Variants in USP32 observed in about 807,000 individuals in gnomAD.
USP32 encodes ubiquitin carboxyl-terminal hydrolase 32.
In USP32, 59 loss-of-function variants were observed where a neutral mutation model predicts 204.8. That is an observed-to-expected ratio of 0.29 (90% CI 0.23 to 0.36). The LOEUF is 0.36. Ranked by LOEUF, USP32 falls within the 10% of genes least tolerant of loss-of-function variation. The pLI is 1.00. For synonymous variants in USP32, 517 were observed against 678.4 expected, an observed-to-expected ratio of 0.76 and a Z score of 3.70; for missense variants, 1,160 against 1,946.4, an observed-to-expected ratio of 0.60 and a Z score of 7.60.
At chr17:60,225,405 C>T (rs977996204) in intron 13 of USP32, among the ~76,000 whole-genome samples, 10 of 151,918 alleles carry the variant, frequency 6.6e-5, no homozygotes, top group Admixed American at 2.0e-4. Context: ...TGCAGTAAGC[C>T]GTGATTATGC....
At chr17:60,396,125 T>C (rs1479982954), upstream of USP32, among the ~76,000 whole-genome samples, 2 of 135,784 alleles carry the variant, frequency 1.5e-5, no homozygotes, top group African/African-American at 6.1e-5. Flanking sequence ...TCACCCAAGC[T>C]GGAGTGCAGT....
chr17:60,255,269 G>T lies in USP32; in HGVS notation c.991-11C>A. The T allele has an allele frequency of 6.5e-7, 1 of 1,547,798 alleles. No homozygotes were observed. The highest frequency in any genetic ancestry group is 8.8e-7 in the Non-Finnish European group (1 of 1,135,144). On this transcript the variant is annotated splice_polypyrimidine_tract_variant and intron_variant, in intron 9 of 33. Coordinates refer to ENST00000300896, the MANE Select transcript of USP32 (RefSeq NM_032582.4). ...AGTAAGATGACCCATCTGAAACAGA[G>T]ACACTCATGTTAGGAACATCTTTTT...
intron 1 of USP32, among the ~76,000 whole-genome samples, chr17:60,403,307 C>T (rs142945337): frequency 1.1e-3 from 163 of 152,314 alleles, no homozygotes; most frequent in African/African-American, 3.0e-3. Flanking sequence ...TGAGCCACTG[C>T]GCCCAGCCAA....
intron 2 of USP32, among the ~76,000 whole-genome samples, chr17:60,318,225 A>C (rs979570140): frequency 6.6e-6 from 1 of 152,262 alleles, no homozygotes; most frequent in African/African-American, 2.4e-5. Flanking sequence ...TTTAAACTGC[A>C]GTTTCCTTAT....
chr17:60,321,848 T>A (rs891935895), intron 2 of USP32, among the ~76,000 whole-genome samples: 6 of 151,638 alleles, frequency 4.0e-5, no homozygotes, highest in Non-Finnish European at 7.4e-5. Flanking sequence ...AACACCTCAG[T>A]GGTAACTATT....
chr17:60,344,649 G>A (rs2088741776), intron 2 of USP32, among the ~76,000 whole-genome samples: 1 of 151,770 alleles, frequency 6.6e-6, no homozygotes, highest in Admixed American at 6.6e-5. Context: ...GTAGAGATGA[G>A]GTCTCACTAT....
chr17:60,204,181 A>AAAAAC (rs1336097766), intron 26 of USP32, among the ~76,000 whole-genome samples: 1 of 152,232 alleles, frequency 6.6e-6, no homozygotes, highest in Admixed American at 6.5e-5. Flanking sequence ...CTCTAAGAAA[A>AAAAAC]AAAACAAAAC....
In USP32 at chr17:60,287,128, C is replaced by T. The variant is rs545040906; in HGVS notation, c.571+1395G>A. On this transcript the variant is annotated intron_variant, in intron 5 of 33. Coordinates refer to ENST00000300896, the MANE Select transcript of USP32 (RefSeq NM_032582.4). ...TCGCGCCACTGCACTCCAGCCTGGGCGACACAGCAATACTTCGTCTCAAAT... is the reference window on the plus strand; with the variant it reads ...TCGCGCCACTGCACTCCAGCCTGGGTGACACAGCAATACTTCGTCTCAAAT... 2.2e-3 allele frequency among the ~76,000 whole-genome samples: 335 copies of T among 152,170 alleles called. 4 individuals are homozygous for T. Among genetic ancestry groups the T allele is most frequent in the African/African-American group, 7.5e-3 (311 of 41,514 alleles).
chr17:60,234,045 G>A lies in USP32; in HGVS notation c.1239+2093C>T, dbSNP rs79468780. 2.1e-3 allele frequency among the ~76,000 whole-genome samples: 322 copies of A among 152,038 alleles called. 1 individual carries two copies. The highest frequency in any genetic ancestry group is 7.4e-3 in the African/African-American group (308 of 41,478). On this transcript the variant is annotated intron_variant, in intron 12 of 33. Coordinates refer to ENST00000300896, the MANE Select transcript of USP32 (RefSeq NM_032582.4). ...GCTCACTGCAGTCTTGACCTATCAG[G>A]CTCAAGCAATCCTCCCACCTCAGCC...
At chr17:60,335,942 T>C (rs1367930234) in intron 2 of USP32, among the ~76,000 whole-genome samples, 1 of 143,138 alleles carries the variant, frequency 7.0e-6, no homozygotes, top group Non-Finnish European at 1.5e-5. Context: ...ATAATACCTA[T>C]TAAGGATAGA....
intron 16 of USP32, among the ~76,000 whole-genome samples, chr17:60,217,432 T>C (rs934127822): frequency 1.3e-5 from 2 of 152,074 alleles, no homozygotes; most frequent in Non-Finnish European, 2.9e-5. Context: ...GTAGCTGGGA[T>C]TACAGACACC....
rs1032481053 is a variant in USP32 at position 60,421,851 on chromosome 17, C to T, written c.106+395G>A. ...CCCGGCTCCCCGCCTGGTGGCTGCG[C>T]ACACGAGGCCGGCGACGGGACTTGC... On this transcript the variant is annotated intron_variant, in intron 1 of 3. Coordinates refer to the USP32 transcript ENST00000588898. 4.6e-5 allele frequency: 45 copies of T among 985,244 alleles called. No individual in the cohort carries two copies. The African/African-American group carries it at 7.5e-4, about 16-fold the overall frequency. The allele number at this position is 985,244 out of a possible 1,614,324, so 61.0% of individuals were successfully genotyped here. A position where few individuals can be genotyped will look rare whatever the true frequency, so the allele number is the denominator to read the frequency against.
chr17:60,248,209 G>A (rs1418043942), intron 11 of USP32, among the ~76,000 whole-genome samples: 1 of 152,078 alleles, frequency 6.6e-6, no homozygotes, highest in Non-Finnish European at 1.5e-5. Flanking sequence ...ACTGCACACT[G>A]AGCTCTATTG....
intron 2 of USP32, among the ~76,000 whole-genome samples, chr17:60,309,767 T>A (rs2087810567): frequency 6.6e-6 from 1 of 151,778 alleles, no homozygotes; most frequent in South Asian, 2.1e-4. Flanking sequence ...GCAGGCAGAC[T>A]GGGCACAGTG....
At chr17:60,360,054 GA>G (rs963606957) in intron 1 of USP32, among the ~76,000 whole-genome samples, 2 of 150,984 alleles carry the variant, frequency 1.3e-5, no homozygotes, top group Non-Finnish European at 3.0e-5. Flanking sequence ...ATTTTTAGTA[GA>G]AACGGGGTTT....
intron 1 of USP32, among the ~76,000 whole-genome samples, chr17:60,418,186 G>C (rs57552871): frequency 6.6e-6 from 1 of 151,974 alleles, no homozygotes; most frequent in Non-Finnish European, 1.5e-5. Flanking sequence ...TCAAACTCCC[G>C]ACCTCAGGTG....
intron 8 of USP32, 136 bp downstream of exon 8, chr17:60,265,840 G>T: frequency 1.5e-6 from 1 of 650,906 alleles, no homozygotes. Context: ...TGCATCTTCA[G>T]CTATAAATAT....
intron 33 of USP32, 98 bp from the exon 34 acceptor site, chr17:60,179,526 C>T: frequency 6.8e-7 from 1 of 1,474,906 alleles, no homozygotes; most frequent in Non-Finnish European, 9.2e-7. Flanking sequence ...AATTACTAAA[C>T]CTGATTGCTT....
chr17:60,374,623 C>A (rs960149052), intron 1 of USP32, among the ~76,000 whole-genome samples: 10 of 152,112 alleles, frequency 6.6e-5, no homozygotes, highest in Non-Finnish European at 1.2e-4. Context: ...TGGGCTCAAG[C>A]AACCCACCCA....
Sources: allele counts gnomAD v4.1 joint callset (sites outside exome capture counted in the v4.1 genomes callset), GRCh38; gene constraint gnomAD v4.1.1; transcripts MANE v1.5; gene names NCBI Gene and HGNC (gene_info 2026-07-23, HGNC 2026-07-21).